Variants in DMXL1 observed in about 807,000 individuals in gnomAD.
The protein encoded by DMXL1 is dmX-like protein 1.
Under a neutral mutation model 319.2 loss-of-function variants are expected in DMXL1, and 99 were observed. That is an observed-to-expected ratio of 0.31 (90% CI 0.26 to 0.37). The LOEUF (loss-of-function observed/expected upper bound fraction) is 0.37. DMXL1 is among the 10% of genes least tolerant of loss of function. DMXL1 has a pLI of 1.00. For synonymous variants in DMXL1, 1,385 were observed against 1,235.2 expected (o/e 1.12, Z -2.54); for missense variants, 3,745 against 3,595.6 (o/e 1.04, Z -1.06).
chr5:119,097,755 A>G (rs759042872), intron 1 of DMXL1, among the ~76,000 whole-genome samples: 5 of 152,142 alleles, frequency 3.3e-5, no homozygotes, highest in Non-Finnish European at 5.9e-5. Flanking sequence ...TTCAGAGTTG[A>G]TGCATATTTT....
chr5:119,204,234 C>A (rs1781361972), intron 33 of DMXL1, among the ~76,000 whole-genome samples: 1 of 151,842 alleles, frequency 6.6e-6, no homozygotes, highest in South Asian at 2.1e-4. Flanking sequence ...GCCTCCCAGG[C>A]TCAAGCGATC....
chr5:119,156,427 G>C (rs1012242114), intron 19 of DMXL1, among the ~76,000 whole-genome samples: 8 of 152,044 alleles, frequency 5.3e-5, no homozygotes, highest in Non-Finnish European at 1.0e-4. Context: ...TTATTGTGGT[G>C]GTCTGAAATC....
chr5:119,237,275 G>C, intron 39 of DMXL1, 47 bp from the exon 40 acceptor site: 1 of 1,143,662 alleles, frequency 8.7e-7, no homozygotes. Flanking sequence ...ATAAATATAT[G>C]CTTTTATATT....
intron 33 of DMXL1, 93 bp from the exon 34 acceptor site, chr5:119,206,741 G>T (rs1581324609): frequency 7.2e-6 from 5 of 691,630 alleles, no homozygotes; most frequent in South Asian, 2.0e-5. Flanking sequence ...TAGTAAATTT[G>T]GTTTAAAATA....
chr5:119,129,961 C>G (rs1764462835), intron 10 of DMXL1, among the ~76,000 whole-genome samples: 1 of 152,212 alleles, frequency 6.6e-6, no homozygotes, highest in Non-Finnish European at 1.5e-5. Context: ...CAAGAACATT[C>G]AGCTGGAATT....
At chr5:119,237,471 A>G in intron 40 of DMXL1, 57 bp downstream of exon 40, 1 of 1,036,306 alleles carries the variant, frequency 9.6e-7, no homozygotes, top group Non-Finnish European at 1.5e-6. Flanking sequence ...TAAATAAACC[A>G]AGAATACGTA....
At chr5:119,102,747 ATGGCACCAC>A (rs1757528390) in intron 3 of DMXL1, among the ~76,000 whole-genome samples, 1 of 152,192 alleles carries the variant, frequency 6.6e-6, no homozygotes, top group South Asian at 2.1e-4. Context: ...GTGAGCAATG[ATGGCACCAC>A]TGCATTCCAG....
chr5:119,073,202 A>G (rs886783189), intron 1 of DMXL1, among the ~76,000 whole-genome samples: 1 of 152,164 alleles, frequency 6.6e-6, no homozygotes, highest in African/African-American at 2.4e-5. Flanking sequence ...AGCTAGGACT[A>G]CAGATTCTAA....
At chr5:119,082,500 C>T (rs1017381541) in intron 1 of DMXL1, among the ~76,000 whole-genome samples, 3 of 152,042 alleles carry the variant, frequency 2.0e-5, no homozygotes, top group Non-Finnish European at 2.9e-5. Context: ...GTCGTGAACT[C>T]CTGGGCTCAA....
chr5:119,170,238 A>G lies in DMXL1; in HGVS notation c.5447A>G (p.Tyr1816Cys), dbSNP rs1383578649. ...CCTACAGTTTTTAATTTCTACAATT[A>G]TCTAAGAACACATCCTCTTTTGCTG... ...SNPTVFNFYNYLRTHPLLLRR... is the reference protein window; with the variant it reads ...SNPTVFNFYNCLRTHPLLLRR... The change falls in exon 24 of 44, where the codon TAT becomes TGT. Residue 1816 changes from tyrosine (Y) to cysteine (C), a missense_variant. By Grantham distance (194) the Tyr-to-Cys change is radical. Transcript: ENST00000539542. The G allele has an allele frequency of 2.5e-6, 4 of 1,609,066 alleles. No homozygotes were observed. The highest frequency in any genetic ancestry group is 1.7e-5 in the Admixed American group (1 of 58,912).
intron 34 of DMXL1, among the ~76,000 whole-genome samples, chr5:119,210,728 C>A (rs1267207463): frequency 1.6e-5 from 2 of 127,014 alleles, no homozygotes; most frequent in African/African-American, 5.8e-5. Flanking sequence ...ATATATTATT[C>A]TTCTAAGTTC....
At position 119,149,615 on chromosome 5, in the gene DMXL1, C is replaced by A; in HGVS notation, c.3788C>A (p.Thr1263Lys). ...TACAGTGGGAGCACTCCATCTATAA[C>A]AAGTTTAATAAAACAGAGTAACTCC... ...DSYSGSTPSI[T>K]SLIKQSNSSS... The change falls in exon 18 of 44, where the codon ACA becomes AAA. Residue 1263 changes from threonine to lysine, a missense_variant. Transcript: ENST00000539542. The A allele has an allele frequency of 6.2e-7, 1 of 1,613,900 alleles. No homozygotes were observed. The highest frequency in any genetic ancestry group is 1.1e-5 in the South Asian group (1 of 91,072).
At chr5:119,074,685 C>G (rs1487227115) in intron 1 of DMXL1, among the ~76,000 whole-genome samples, 2 of 152,214 alleles carry the variant, frequency 1.3e-5, no homozygotes. Context: ...AAGAAAACCT[C>G]TTGTGGGCAA....
chr5:119,102,362 A>G (rs975373931), intron 3 of DMXL1, among the ~76,000 whole-genome samples: 3 of 152,164 alleles, frequency 2.0e-5, no homozygotes, highest in Non-Finnish European at 2.9e-5. Flanking sequence ...CTACCTTTAT[A>G]CAGGTTTTCT....
chr5:119,222,215 T>G (rs1313416940), intron 37 of DMXL1, among the ~76,000 whole-genome samples: 1 of 152,174 alleles, frequency 6.6e-6, no homozygotes, highest in African/African-American at 2.4e-5. Context: ...TATTTAAACA[T>G]TCTTCAGATG....
At chr5:119,105,881 G>C (rs1222466356) in intron 4 of DMXL1, among the ~76,000 whole-genome samples, 2 of 142,024 alleles carry the variant, frequency 1.4e-5, no homozygotes, top group African/African-American at 2.6e-5. Context: ...TGGGCAACAA[G>C]AGTGAAACTG....
Position 119,150,154 on chromosome 5 carries a change from T to A in DMXL1, c.4327T>A (p.Tyr1443Asn). Residue 1443 changes from tyrosine to asparagine, a missense_variant, in exon 18 of 44, where the codon TAT becomes AAT. Around this residue, in one of 4 missense-constraint regions of DMXL1, gnomAD observed 2,096 missense variants for 1,985.4 expected, o/e 1.06. Coordinates refer to ENST00000539542, the MANE Select transcript of DMXL1 (RefSeq NM_001290321.3). ...SKSNQLSKES[Y>N]DELFQTQLLM... ...ATCAAACCAATTATCTAAAGAAAGT[T>A]ATGATGAGCTTTTTCAGACTCAACT... 6.2e-7 allele frequency: 1 copy of A among 1,613,842 alleles called. No individual in the cohort carries two copies. The highest frequency in any genetic ancestry group is 1.1e-5 in the South Asian group (1 of 91,064).
intron 38 of DMXL1, 84 bp downstream of exon 38, chr5:119,224,853 C>A: frequency 1.7e-6 from 1 of 578,860 alleles, no homozygotes; most frequent in Non-Finnish European, 2.8e-6. Context: ...TGTGTGGGAA[C>A]CTTTTTGTTT....
intron 42 of DMXL1, among the ~76,000 whole-genome samples, chr5:119,244,079 G>T (rs1317740528): frequency 1.3e-5 from 2 of 152,172 alleles, no homozygotes; most frequent in Non-Finnish European, 2.9e-5. Flanking sequence ...TACGGAACCA[G>T]TTCAACCAGG....
Sources: allele counts gnomAD v4.1 joint callset (sites outside exome capture counted in the v4.1 genomes callset), GRCh38; gene constraint gnomAD v4.1.1; regional missense constraint gnomAD v4.1.1; transcripts MANE v1.5; gene names NCBI Gene and HGNC (gene_info 2026-07-23, HGNC 2026-07-21).